Variants in TP63 observed in about 807,000 individuals in gnomAD.
TP63 encodes the protein tumor protein p63.
A neutral mutation model predicts 82.8 loss-of-function variants in TP63; 17 were observed. The observed-to-expected ratio is 0.21, with a 90% CI of 0.14 to 0.31. TP63 has a LOEUF of 0.31. TP63 is among the 10% of genes least tolerant of loss of function. The pLI, the probability that TP63 is intolerant of heterozygous loss-of-function variation, is 1.00. For missense variants in TP63, 648 were observed against 895.3 expected, an observed-to-expected ratio of 0.72 and a Z score of 3.52; for synonymous variants, 330 against 321.7, an observed-to-expected ratio of 1.03 and a Z score of -0.28.
chr3:189,873,338 A>G, intron 10 of TP63: 1 of 355,054 alleles, frequency 2.8e-6, no homozygotes, highest in Non-Finnish European at 5.4e-6. Context: ...ATATTTGAAA[A>G]CATGAAATCT....
intron 3 of TP63, among the ~76,000 whole-genome samples, chr3:189,745,130 G>A (rs1553826707): frequency 6.6e-6 from 1 of 152,070 alleles, no homozygotes; most frequent in Non-Finnish European, 1.5e-5. Context: ...CCTCTTCTAT[G>A]AAAGCAAATT....
chr3:189,778,384 T>A (rs1174012742), intron 3 of TP63, among the ~76,000 whole-genome samples: 1 of 152,214 alleles, frequency 6.6e-6, no homozygotes, highest in Non-Finnish European at 1.5e-5. Flanking sequence ...TAATCAGCTA[T>A]TATTTACTTT....
At position 189,897,225 on chromosome 3, in the gene TP63, T is replaced by A. The variant is rs1369859427; in HGVS notation, c.*2723T>A. 4.8e-6 allele frequency: 1 copy of A among 208,160 alleles called. No individual in the cohort carries two copies. The highest frequency in any genetic ancestry group is 2.3e-5 in the African/African-American group (1 of 44,014). 12.9% of individuals were successfully genotyped at this position (208,160 alleles called of 1,614,324 possible). On this transcript the variant is annotated 3_prime_UTR_variant, in exon 14 of 14. Transcript: ENST00000264731. ...AAGCCAATCTACAATCTCTTTTTGTTTGCCAGGACATGCAATAAAATTTAA... is the reference window on the plus strand; with the variant it reads ...AAGCCAATCTACAATCTCTTTTTGTATGCCAGGACATGCAATAAAATTTAA...
chr3:189,682,592 A>C (rs1716075439), intron 1 of TP63, among the ~76,000 whole-genome samples: 3 of 138,694 alleles, frequency 2.2e-5, no homozygotes, highest in Admixed American at 1.5e-4. Context: ...ATATATATAT[A>C]TATCCTATTC....
intron 3 of TP63, among the ~76,000 whole-genome samples, chr3:189,756,651 C>G (rs1231940692): frequency 1.3e-5 from 2 of 152,188 alleles, no homozygotes; most frequent in Non-Finnish European, 2.9e-5. Context: ...GCAGTATGCA[C>G]TGGCAGAGAA....
At chr3:189,609,387 AC>A in the TP63 span, among the ~76,000 whole-genome samples, 1 of 152,090 alleles carries the variant, frequency 6.6e-6, no homozygotes, top group Non-Finnish European at 1.5e-5. Flanking sequence ...TCACCCATTG[AC>A]TTTTTTTTAA....
At chr3:189,843,536 G>A (rs554359413) in intron 4 of TP63, among the ~76,000 whole-genome samples, 4 of 152,272 alleles carry the variant, frequency 2.6e-5, no homozygotes, top group South Asian at 2.1e-4. Context: ...GCAGCTAGAC[G>A]GCTGTGGCAG....
chr3:189,697,600 GA>G (rs1717489011), intron 1 of TP63, among the ~76,000 whole-genome samples: 1 of 151,906 alleles, frequency 6.6e-6, no homozygotes, highest in Non-Finnish European at 1.5e-5. Context: ...AACCTTCCAG[GA>G]TTTTAATTTG....
chr3:189,815,923 C>T (rs1728136044), intron 4 of TP63, among the ~76,000 whole-genome samples: 1 of 152,152 alleles, frequency 6.6e-6, no homozygotes, highest in South Asian at 2.1e-4. Context: ...TGTTTTCTTA[C>T]AGCAAATGAC....
At chr3:189,889,018 T>G (rs991264325) in intron 11 of TP63, among the ~76,000 whole-genome samples, 22 of 152,120 alleles carry the variant, frequency 1.4e-4, no homozygotes, top group African/African-American at 4.8e-4. Flanking sequence ...GACAGAAATA[T>G]CACCCTCGAA....
At chr3:189,833,870 G>A (rs1712731743) in intron 4 of TP63, among the ~76,000 whole-genome samples, 1 of 152,078 alleles carries the variant, frequency 6.6e-6, no homozygotes, top group Non-Finnish European at 1.5e-5. Context: ...TTTGCATTCT[G>A]CCATTTGTCT....
At chr3:189,764,823 C>T (rs1033017260) in intron 3 of TP63, among the ~76,000 whole-genome samples, 9 of 152,108 alleles carry the variant, frequency 5.9e-5, no homozygotes, top group Admixed American at 2.6e-4. Flanking sequence ...TTTTGTACTT[C>T]GGCGGCACAG....
At chr3:189,607,938 C>T in the TP63 span, among the ~76,000 whole-genome samples, 1 of 152,086 alleles carries the variant, frequency 6.6e-6, no homozygotes, top group African/African-American at 2.4e-5. Flanking sequence ...CATAACTCAA[C>T]AGTATATCTA....
chr3:189,643,821 A>G (rs185770542), intron 1 of TP63, among the ~76,000 whole-genome samples: 3 of 152,266 alleles, frequency 2.0e-5, no homozygotes, highest in African/African-American at 4.8e-5. Flanking sequence ...AGAAGAAACT[A>G]TCATATTTTT....
intron 4 of TP63, among the ~76,000 whole-genome samples, chr3:189,846,176 T>C (rs1346302777): frequency 1.3e-5 from 2 of 152,130 alleles, no homozygotes; most frequent in African/African-American, 4.8e-5. Flanking sequence ...CTGAATTTAC[T>C]TGTTTTCCAA....
intron 1 of TP63, among the ~76,000 whole-genome samples, chr3:189,701,180 C>G (rs1717773298): frequency 6.6e-6 from 1 of 152,024 alleles, no homozygotes; most frequent in African/African-American, 2.4e-5. Flanking sequence ...TATAAATTGC[C>G]CAGTCTCAGA....
intron 1 of TP63, among the ~76,000 whole-genome samples, chr3:189,677,184 T>A (rs1715477857): frequency 6.6e-6 from 1 of 151,068 alleles, no homozygotes; most frequent in Admixed American, 6.6e-5. Context: ...TGAATAGTAT[T>A]CCATGGTGTG....
chr3:189,649,315 G>A (rs867110429), intron 1 of TP63, among the ~76,000 whole-genome samples: 2 of 146,904 alleles, frequency 1.4e-5, no homozygotes, highest in Non-Finnish European at 3.0e-5. Context: ...AGATCATGTC[G>A]TTTGCAGGAA....
chr3:189,639,693 A>G (rs1308506772), intron 1 of TP63, among the ~76,000 whole-genome samples: 1 of 152,144 alleles, frequency 6.6e-6, no homozygotes, highest in Admixed American at 6.6e-5. Flanking sequence ...TCATAATGTT[A>G]AGACTGAGAA....
Sources: gnomAD v4.1 joint callset for allele counts (sites outside exome capture counted in the v4.1 genomes callset) on GRCh38, gnomAD v4.1.1 for gene constraint, MANE v1.5 for transcripts, NCBI Gene and HGNC (gene_info 2026-07-23, HGNC 2026-07-21) for gene names.